ZSCAN5C: variants seen among roughly 807,000 people sequenced by gnomAD.
The protein encoded by ZSCAN5C is zinc finger and SCAN domain containing 5C, also known as zinc finger and SCAN domain-containing protein 5C.
Under a neutral mutation model 17.3 loss-of-function variants are expected in ZSCAN5C, and 11 were observed. That is an observed-to-expected ratio of 0.64 (90% CI 0.40 to 1.06). The LOEUF (loss-of-function observed/expected upper bound fraction) is 1.06. Ranked by LOEUF, ZSCAN5C falls within the 50% of genes least tolerant of loss-of-function variation. ZSCAN5C has a pLI of 0.00. For synonymous variants in ZSCAN5C, 229 were observed against 208.4 expected (o/e 1.10, Z -0.85); for missense variants, 698 against 538.9 (o/e 1.30, Z -2.92).
At chr19:56,208,780 A>G in exon 5 of ZSCAN5C, 1 of 1,592,590 alleles carries the variant, frequency 6.3e-7, no homozygotes, top group Middle Eastern at 1.7e-4. Context: ...TGCCCTTTGC[A>G]TGTGAGGTGT....
At chr19:56,208,681 C>A in exon 5 of ZSCAN5C, 2 of 1,612,700 alleles carry the variant, frequency 1.2e-6, no homozygotes, top group East Asian at 2.2e-5. Context: ...ACAGAGAATC[C>A]CCGGGACAAG....
intron 1 of ZSCAN5C, among the ~76,000 whole-genome samples, chr19:56,202,914 T>C (rs770737088): frequency 9.2e-5 from 14 of 151,992 alleles, no homozygotes; most frequent in Non-Finnish European, 2.1e-4. Context: ...AAATCAGCCA[T>C]TGATGAATGG....
chr19:56,208,483 C>T, exon 5 of ZSCAN5C: 2 of 1,500,752 alleles, frequency 1.3e-6, no homozygotes, highest in South Asian at 1.1e-5. Context: ...GGAAGGAACC[C>T]CAAAAAAGAG....
chr19:56,205,626 T>TC (rs1240565493), intron 1 of ZSCAN5C, among the ~76,000 whole-genome samples, 161 bp from the exon 2 acceptor site: 8 of 151,952 alleles, frequency 5.3e-5, no homozygotes, highest in African/African-American at 1.9e-4. Flanking sequence ...GAACATGTGG[T>TC]CAGGTGTAGA....
chr19:56,207,109 G>T, exon 3 of ZSCAN5C: 1 of 754,054 alleles, frequency 1.3e-6, no homozygotes, highest in Non-Finnish European at 2.5e-6. Flanking sequence ...AATCAGATGT[G>T]GAGATGGCTG....
exon 4 of ZSCAN5C, chr19:56,208,178 A>G (rs778633559): frequency 2.7e-5 from 21 of 778,836 alleles, no homozygotes; most frequent in Non-Finnish European, 3.8e-5. Flanking sequence ...GCTTCCAAAC[A>G]GTCCCAGTAA....
intron 1 of ZSCAN5C, 67 bp from the exon 2 acceptor site, chr19:56,205,720 G>C: frequency 1.8e-6 from 1 of 559,564 alleles, no homozygotes; most frequent in Non-Finnish European, 3.2e-6. Context: ...ATTGGGATGA[G>C]GGATTTGGAA....
chr19:56,209,273 G>A (rs1436449962), downstream of ZSCAN5C: 11 of 612,766 alleles, frequency 1.8e-5, no homozygotes, highest in Middle Eastern at 2.5e-4. Flanking sequence ...GTCAGATGAC[G>A]TTTGACAGAT....
At chr19:56,203,037 T>C (rs1352957866) in intron 1 of ZSCAN5C, among the ~76,000 whole-genome samples, 10 of 151,998 alleles carry the variant, frequency 6.6e-5, no homozygotes, top group Non-Finnish European at 1.3e-4. Context: ...CTTTATTTTT[T>C]CCCATGTCCC....
intron 3 of ZSCAN5C, 133 bp from the exon 4 acceptor site, chr19:56,207,901 C>T (rs1012574602): frequency 2.2e-5 from 13 of 604,112 alleles, no homozygotes; most frequent in East Asian, 1.1e-4. Flanking sequence ...AGAAATATGC[C>T]CAGAGAACCA....
intron 1 of ZSCAN5C, among the ~76,000 whole-genome samples, 159 bp downstream of exon 1, chr19:56,202,481 C>T (rs2032882638): frequency 6.6e-6 from 1 of 151,902 alleles, no homozygotes; most frequent in African/African-American, 2.4e-5. Context: ...TGCCCGGACA[C>T]CTTGTGAAGG....
exon 5 of ZSCAN5C, chr19:56,208,776 T>C (rs892364924): frequency 8.8e-6 from 14 of 1,595,634 alleles, no homozygotes; most frequent in Non-Finnish European, 1.2e-5. Flanking sequence ...CTGCTGCCCT[T>C]TGCATGTGAG....
exon 3 of ZSCAN5C, chr19:56,207,155 G>A (rs1470320579): frequency 7.7e-6 from 6 of 778,560 alleles, no homozygotes; most frequent in Non-Finnish European, 7.2e-6. Flanking sequence ...TCCGAGACAC[G>A]TGTCCAGCCA....
In ZSCAN5C at chr19:56,209,196, A is replaced by G. The variant is rs768091707; in HGVS notation, c.1487A>G (p.Gln496Arg). 2.6e-4 allele frequency: 200 copies of G among 782,454 alleles called. 4 individuals are homozygous for G. In the African/African-American group the frequency reaches 3.0e-3, roughly 12 times the overall value. 48.5% of individuals were successfully genotyped at this position (782,454 alleles called of 1,614,324 possible). A position where few individuals can be genotyped will look rare whatever the true frequency, so the allele number is the denominator to read the frequency against. ...AAAACACATCGAGAAGCCACTTCAC[A>G]GTGACTTCACCATCGGGTCTGTCTT... Residue 496 changes from glutamine to arginine, a missense_variant, in exon 5 of 5, where the codon CAG (glutamine) becomes CGG (arginine). Coordinates refer to ENST00000534327, the Ensembl canonical transcript of ZSCAN5C.
chr19:56,206,974 G>A (rs557772433), intron 2 of ZSCAN5C, 85 bp from the exon 3 acceptor site: 5 of 643,704 alleles, frequency 7.8e-6, no homozygotes, highest in African/African-American at 7.2e-5. Context: ...ACAGTAAAGT[G>A]TGAGCATTAT....
chr19:56,204,346 A>G (rs1942709388), intron 1 of ZSCAN5C, among the ~76,000 whole-genome samples: 1 of 149,856 alleles, frequency 6.7e-6, no homozygotes, highest in Non-Finnish European at 1.5e-5. Context: ...GGCGCAGAGG[A>G]CCCCTTTCCC....
exon 2 of ZSCAN5C, chr19:56,206,077 A>G (rs545849049): frequency 2.5e-6 from 4 of 1,612,114 alleles, no homozygotes; most frequent in Non-Finnish European, 3.4e-6. Context: ...TGCCCGAAGG[A>G]GTCGGACCCC....
chr19:56,208,347 G>T, intron 4 of ZSCAN5C, 102 bp from the exon 5 acceptor site: 2 of 821,912 alleles, frequency 2.4e-6, no homozygotes, highest in Non-Finnish European at 3.9e-6. Context: ...TAGGTTTAAG[G>T]TTGAGGGGAA....
exon 5 of ZSCAN5C, chr19:56,208,491 G>C (rs566350079): frequency 6.6e-7 from 1 of 1,521,648 alleles, no homozygotes. Flanking sequence ...CCCCAAAAAA[G>C]AGCCTCTGTG....
Sources: gnomAD v4.1 joint callset for allele counts (sites outside exome capture counted in the v4.1 genomes callset) on GRCh38, gnomAD v4.1.1 for gene constraint, MANE v1.5 for transcripts, NCBI Gene and HGNC (gene_info 2026-07-23, HGNC 2026-07-21) for gene names.